PALLD: variants seen among roughly 807,000 people sequenced by gnomAD.
PALLD encodes the protein palladin, cytoskeletal associated protein.
PALLD carries 61 observed loss-of-function variants against 123.5 expected under a neutral mutation model. That is an observed-to-expected ratio of 0.49 (90% CI 0.40 to 0.61). The LOEUF is 0.61. Ranked by LOEUF, PALLD falls within the 20% of genes least tolerant of loss-of-function variation. The probability of loss-of-function intolerance (pLI) is 0.00; values close to 1 mark genes in which losing one functional copy is unlikely to be tolerated. For synonymous variants in PALLD, 465 were observed against 496.4 expected (o/e 0.94, Z 0.84); for missense variants, 1,273 against 1,377.0 (o/e 0.92, Z 1.20).
intron 10 of PALLD, 22 bp downstream of exon 10, chr4:168,711,945 T>C (rs1305199208): frequency 1.3e-6 from 2 of 1,594,318 alleles, no homozygotes; most frequent in Non-Finnish European, 8.6e-7. Flanking sequence ...TGCATGGTTT[T>C]ATAATAATTT....
At chr4:168,698,538 G>A (rs7660470) in intron 8 of PALLD, among the ~76,000 whole-genome samples, 51,920 of 151,730 alleles carry the variant, frequency 0.34, 10,675 homozygotes, top group African/African-American at 0.58. Context: ...TTAATTTAAA[G>A]AAACAAAATA....
intron 2 of PALLD, chr4:168,631,467 C>A: frequency 5.4e-6 from 2 of 369,964 alleles, no homozygotes; most frequent in Non-Finnish European, 7.5e-6. Flanking sequence ...AACGCAAAAG[C>A]CGTCCTAAGT....
intron 10 of PALLD, among the ~76,000 whole-genome samples, chr4:168,866,242 G>A (rs566470276): frequency 3.3e-5 from 5 of 152,282 alleles, no homozygotes; most frequent in African/African-American, 1.2e-4. Flanking sequence ...TCCAGCCTGG[G>A]TGACAGAGCA....
chr4:168,870,475 A>G (rs1448985212), intron 10 of PALLD, among the ~76,000 whole-genome samples: 1 of 152,198 alleles, frequency 6.6e-6, no homozygotes, highest in Non-Finnish European at 1.5e-5. Context: ...TGCCTTTAAA[A>G]TCTTCTTCTG....
intron 8 of PALLD, among the ~76,000 whole-genome samples, chr4:168,692,430 G>C (rs1287628416): frequency 6.6e-5 from 10 of 152,212 alleles, no homozygotes; most frequent in Admixed American, 6.5e-4. Context: ...TTTCCAGACT[G>C]TGGAAATATA....
intron 10 of PALLD, among the ~76,000 whole-genome samples, chr4:168,729,464 T>C (rs572931061): frequency 2.0e-5 from 3 of 152,278 alleles, no homozygotes; most frequent in African/African-American, 7.2e-5. Context: ...GTGCCTGGCC[T>C]GGGCATCTTC....
intron 10 of PALLD, among the ~76,000 whole-genome samples, chr4:168,777,426 G>A (rs1175884342): frequency 6.6e-6 from 1 of 152,142 alleles, no homozygotes; most frequent in Non-Finnish European, 1.5e-5. Flanking sequence ...AATGTGATGG[G>A]GGAGACGGGG....
At chr4:168,862,760 A>G (rs1443459160) in intron 10 of PALLD, among the ~76,000 whole-genome samples, 1 of 152,192 alleles carries the variant, frequency 6.6e-6, no homozygotes, top group African/African-American at 2.4e-5. Context: ...TGGATACTAA[A>G]ACTTCAATGG....
chr4:168,901,247 AC>A (rs1411461379), intron 14 of PALLD, among the ~76,000 whole-genome samples: 1 of 152,212 alleles, frequency 6.6e-6, no homozygotes, highest in Non-Finnish European at 1.5e-5. Flanking sequence ...TTAAAGAAAT[AC>A]ATGTTTTTTT....
chr4:168,522,583 A>G (rs1763661445), intron 2 of PALLD, among the ~76,000 whole-genome samples: 1 of 152,216 alleles, frequency 6.6e-6, no homozygotes, highest in African/African-American at 2.4e-5. Flanking sequence ...AATCTGCTTA[A>G]GCATAATTAC....
At chr4:168,614,641 C>T (rs761984069) in intron 2 of PALLD, among the ~76,000 whole-genome samples, 9 of 152,168 alleles carry the variant, frequency 5.9e-5, no homozygotes, top group Non-Finnish European at 1.2e-4. Flanking sequence ...CTCATGTAAA[C>T]TTCCAGATGT....
At chr4:168,755,676 A>G (rs1475911792) in intron 10 of PALLD, 1 of 152,288 alleles carries the variant, frequency 6.6e-6, no homozygotes, top group Non-Finnish European at 1.5e-5. Flanking sequence ...CTGCATGAAG[A>G]ATAGTCTGGA....
At chr4:168,815,361 C>T (rs956213065) in intron 10 of PALLD, among the ~76,000 whole-genome samples, 1 of 152,236 alleles carries the variant, frequency 6.6e-6, no homozygotes, top group Admixed American at 6.5e-5. Context: ...CTTTGTAAGG[C>T]ACATCCAGGC....
Position 168,548,032 on chromosome 4 carries a change from GCAAA to G in PALLD, c.908+35645_908+35648del, listed in dbSNP as rs138888428. ...TGCATTCCAGCCTGGGCAACAAAGA[GCAAA>G]CAAACAAACAAACAAACAAACAAAA... On this transcript the variant is annotated intron_variant, in intron 2 of 21. Transcript: ENST00000505667. 6.6e-3 allele frequency among the ~76,000 whole-genome samples: 1,002 copies of G among 150,962 alleles called. 12 individuals carry two copies. The highest frequency in any genetic ancestry group is 0.022 in the African/African-American group (922 of 41,166).
intron 3 of PALLD, among the ~76,000 whole-genome samples, chr4:168,678,827 G>A (rs898225587): frequency 3.3e-5 from 5 of 150,440 alleles, no homozygotes; most frequent in Non-Finnish European, 3.0e-5. Flanking sequence ...TGTGTGGGGG[G>A]GTATGGTGTG....
chr4:168,742,991 C>T (rs1166461308), intron 10 of PALLD, among the ~76,000 whole-genome samples: 1 of 152,144 alleles, frequency 6.6e-6, no homozygotes, highest in Non-Finnish European at 1.5e-5. Context: ...ATTTGCCCGA[C>T]CACCTCCTAC....
intron 19 of PALLD, 62 bp downstream of exon 19, chr4:168,924,482 T>A: frequency 7.1e-7 from 1 of 1,408,772 alleles, no homozygotes. Flanking sequence ...TATCAAAAGA[T>A]ACATTTTATA....
At position 168,548,328 on chromosome 4, in the gene PALLD, A is replaced by G. The variant is rs1766376719; in HGVS notation, c.908+35916A>G. 2.1e-5 allele frequency among the ~76,000 whole-genome samples: 3 copies of G among 140,320 alleles called. 1 individual carries two copies. In the South Asian group the frequency reaches 6.8e-4, roughly 32 times the overall value. 92.1% of individuals were successfully genotyped at this position (140,320 alleles called of 152,430 possible). ...TCAGATGAAAAAAGGAAAAGAGATC[A>G]TTTCCTTCTAACTCAGGAAAAAAAA... On this transcript the variant is annotated intron_variant, in intron 2 of 21. Transcript: ENST00000505667.
intron 2 of PALLD, among the ~76,000 whole-genome samples, chr4:168,568,598 T>C (rs902752254): frequency 1.3e-5 from 2 of 152,124 alleles, no homozygotes; most frequent in Non-Finnish European, 2.9e-5. Context: ...CAAACTTTCA[T>C]ACTTATGTGT....
Sources: gnomAD v4.1 joint callset for allele counts (sites outside exome capture counted in the v4.1 genomes callset) on GRCh38, gnomAD v4.1.1 for gene constraint, MANE v1.5 for transcripts, NCBI Gene and HGNC (gene_info 2026-07-23, HGNC 2026-07-21) for gene names.